LUM: variants seen among roughly 807,000 people sequenced by gnomAD.
LUM encodes KSPG lumican.
LUM carries 13 observed loss-of-function variants against 20.5 expected under a neutral mutation model. The observed-to-expected ratio is 0.63, with a 90% CI of 0.41 to 1.01. LUM has a LOEUF of 1.01. Among genes scored for constraint, LUM ranks in the 50% least tolerant of loss-of-function variants. The probability of loss-of-function intolerance (pLI) is 0.00; values close to 1 mark genes in which losing one functional copy is unlikely to be tolerated. For missense variants in LUM, 321 were observed against 391.1 expected (o/e 0.82, Z 1.51); for synonymous variants, 173 against 151.5 (o/e 1.14, Z -1.04).
At chr12:91,110,233 T>A (rs1056105582) in intron 1 of LUM, among the ~76,000 whole-genome samples, 8 of 152,196 alleles carry the variant, frequency 5.3e-5, no homozygotes, top group African/African-American at 1.9e-4. Context: ...GAATATTATA[T>A]CTTTCTATGA....
chr12:91,110,352 T>C (rs1055584781), intron 1 of LUM, among the ~76,000 whole-genome samples: 1 of 152,196 alleles, frequency 6.6e-6, no homozygotes, highest in Non-Finnish European at 1.5e-5. Flanking sequence ...TGTAAGGCAC[T>C]TTATTTCAGA....
intron 2 of LUM, among the ~76,000 whole-genome samples, chr12:91,107,319 A>G (rs963924898): frequency 2.9e-5 from 4 of 139,590 alleles, no homozygotes; most frequent in African/African-American, 1.2e-4. Context: ...GAAAGAAAGA[A>G]AGAAAGAAAG....
chr12:91,109,033 A>T (rs1880145079), intron 1 of LUM, 33 bp from the exon 2 acceptor site: 1 of 1,382,882 alleles, frequency 7.2e-7, no homozygotes, highest in Non-Finnish European at 1.0e-6. Context: ...TTAATTAAAA[A>T]AATATATACT....
At chr12:91,106,647 T>A (rs763795076) in intron 2 of LUM, among the ~76,000 whole-genome samples, 15 of 135,778 alleles carry the variant, frequency 1.1e-4, no homozygotes, top group South Asian at 2.3e-4. Context: ...AGGGGCAGGA[T>A]TGTACCCAAG....
intron 2 of LUM, among the ~76,000 whole-genome samples, chr12:91,107,716 G>T (rs981771439): frequency 6.7e-6 from 1 of 149,424 alleles, no homozygotes; most frequent in African/African-American, 2.4e-5. Context: ...ATATTTTGTG[G>T]ACATTTTTTT....
intron 1 of LUM, among the ~76,000 whole-genome samples, chr12:91,109,335 A>C (rs1880152198): frequency 6.6e-6 from 1 of 152,154 alleles, no homozygotes. Context: ...TGACCACCGA[A>C]TTAGACTACT....
chr12:91,110,010 T>C (rs74855582), intron 1 of LUM, among the ~76,000 whole-genome samples: 4,734 of 152,246 alleles, frequency 0.031, 245 homozygotes, highest in East Asian at 0.26. Flanking sequence ...TGAAATAATG[T>C]GTAACAGTTA....
rs1880119338 is a variant in LUM, at chr12:91,107,991, G to C, written c.862+127C>G. Reference sequence around the variant, plus strand: ...GCCTCCCAAAATGCTGGATTTACAGGAATGAGCCACAGCGCCCGGGCGACA... The same window carrying C: ...GCCTCCCAAAATGCTGGATTTACAGCAATGAGCCACAGCGCCCGGGCGACA... On this transcript the variant is annotated intron_variant, in intron 2 of 2. Coordinates refer to ENST00000266718, the MANE Select transcript of LUM (RefSeq NM_002345.4). The C allele has an allele frequency of 2.5e-5, 27 of 1,091,140 alleles. No homozygotes were observed. In the South Asian group the frequency reaches 3.3e-4, roughly 13 times the overall value. 67.6% of individuals were successfully genotyped at this position (1,091,140 alleles called of 1,614,324 possible).
chr12:91,107,255 GAAAGAAAGAAA>G lies in LUM; in HGVS notation c.862+852_862+862del, dbSNP rs1269676745. On this transcript the variant is annotated intron_variant, in intron 2 of 2. Coordinates refer to ENST00000266718, the MANE Select transcript of LUM (RefSeq NM_002345.4). ...GAAAGAAAGGAAAGAAAGAAAGAAA[GAAAGAAAGAAA>G]GAAAGAAAGAAAGAAAGAAAGAGAA... is the stretch of plus-strand genomic sequence containing the variant. Among the ~76,000 whole-genome samples, 103 of 68,232 alleles carry G rather than the reference GAAAGAAAGAAA, an allele frequency of 1.5e-3. 1 individual carries two copies. The highest frequency in any genetic ancestry group is 3.9e-3 in the African/African-American group (84 of 21,654). 44.8% of individuals were successfully genotyped at this position (68,232 alleles called of 152,430 possible). A position where few individuals can be genotyped will look rare whatever the true frequency, so the allele number is the denominator to read the frequency against.
chr12:91,104,213 C>A lies in LUM; in HGVS notation c.969G>T (p.Pro323=). Residue 323 remains proline (P), a synonymous_variant, in exon 3 of 3, where the codon CCG becomes CCT. Coordinates refer to ENST00000266718, the MANE Select transcript of LUM (RefSeq NM_002345.4). ...GNRISETSLP[P]DMYECLRVAN... The stretch of plus-strand genomic sequence containing the variant: ...CAACACGTAGACATTCATACATATC[C>A]GGTGGAAGACTGGTTTCTGAGATGC... 1 of 1,612,542 alleles carries A rather than the reference C, an allele frequency of 6.2e-7. No individual in the cohort carries two copies. The highest frequency in any genetic ancestry group is 8.5e-7 in the Non-Finnish European group (1 of 1,178,954).
At chr12:91,111,266 A>G (rs1880197796) in intron 1 of LUM, 132 bp downstream of exon 1, 1 of 152,226 alleles carries the variant, frequency 6.6e-6, no homozygotes, top group Non-Finnish European at 1.5e-5. Context: ...GTGAAACTAA[A>G]TGCTCAGAAC....
At chr12:91,107,397 G>A (rs1880105634) in intron 2 of LUM, among the ~76,000 whole-genome samples, 1 of 141,046 alleles carries the variant, frequency 7.1e-6, no homozygotes. Flanking sequence ...GGGAGGGAGG[G>A]ACAATATGGG....
rs778856373 is a variant in LUM, at chr12:91,108,941, A to G, written c.39T>C (p.Ile13=). 6.2e-7 allele frequency: 1 copy of G among 1,613,672 alleles called. No homozygotes were observed. Among genetic ancestry groups the G allele is most frequent in the Non-Finnish European group, 8.5e-7 (1 of 1,179,700 alleles). The part of the protein sequence containing the change: ...LSAFTLFLAL[I]GGTSGQYYDY... ...CATAGTACTGGCCACTGGTACCACC[A>G]ATCAATGCCAGGAAGAGAGTAAATG... Residue 13 remains isoleucine (I), a synonymous_variant, in exon 2 of 3, where the codon ATT becomes ATC. Transcript: ENST00000266718. The surrounding 1 kb of genome is among the most constrained non-coding windows in gnomAD (Gnocchi z 4.2).
chr12:91,107,414 T>C (rs1292224804), intron 2 of LUM, among the ~76,000 whole-genome samples: 1 of 151,962 alleles, frequency 6.6e-6, no homozygotes, highest in African/African-American at 2.4e-5. Flanking sequence ...TGGGCTTCTT[T>C]GTGGCTATGG....
chr12:91,111,068 A>G (rs10859110), intron 1 of LUM, among the ~76,000 whole-genome samples: 92,435 of 152,024 alleles, frequency 0.61, 31,686 homozygotes, highest in South Asian at 0.78. Context: ...TTAGGGTCCA[A>G]TACTAACATA....
chr12:91,105,809 C>A (rs1880017639), intron 2 of LUM, among the ~76,000 whole-genome samples: 2 of 152,206 alleles, frequency 1.3e-5, no homozygotes, highest in African/African-American at 4.8e-5. Flanking sequence ...CAATGTATAC[C>A]TTCAAATGTG....
chr12:91,107,835 C>A (rs765418555), intron 2 of LUM, among the ~76,000 whole-genome samples: 1 of 152,004 alleles, frequency 6.6e-6, no homozygotes, highest in Non-Finnish European at 1.5e-5. Flanking sequence ...CCTGGCTCAG[C>A]CTCCTGAGTA....
intron 2 of LUM, among the ~76,000 whole-genome samples, chr12:91,105,079 T>C (rs910231885): frequency 6.6e-6 from 1 of 152,182 alleles, no homozygotes; most frequent in African/African-American, 2.4e-5. Flanking sequence ...CTTGTTTTCA[T>C]TTTCAAACTC....
In LUM at chr12:91,108,653, C is replaced by T; in HGVS notation, c.327G>A (p.Gly109=). 1 of 1,613,868 alleles carries T rather than the reference C, an allele frequency of 6.2e-7. No homozygotes were observed. The highest frequency in any genetic ancestry group is 2.2e-5 in the East Asian group (1 of 44,878). The change falls in exon 2 of 3, where the codon GGG becomes GGA. Residue 109 remains glycine, a synonymous_variant. Coordinates refer to ENST00000266718, the MANE Select transcript of LUM (RefSeq NM_002345.4). The surrounding 1 kb of genome is among the most constrained non-coding windows in gnomAD (Gnocchi z 4.2). Reference sequence around the variant, plus strand: ...GTTGTTTCAATTTAGAGAAAACTCTCCCTTTTATCTTGGAGTTTTCTAGAA... The same window carrying T: ...GTTGTTTCAATTTAGAGAAAACTCTTCCTTTTATCTTGGAGTTTTCTAGAA... ...HNLLENSKIK[G]RVFSKLKQLK... is the part of the protein sequence containing the mutation.
Sources: gnomAD v4.1 joint callset for allele counts (sites outside exome capture counted in the v4.1 genomes callset) on GRCh38, gnomAD v4.1.1 for gene constraint, Gnocchi (gnomAD v3.1) non-coding constraint, MANE v1.5 for transcripts, NCBI Gene and HGNC (gene_info 2026-07-23, HGNC 2026-07-21) for gene names.